The following RAB33A variants were observed in gnomAD, a reference collection of about 807,000 sequenced individuals.
The protein encoded by RAB33A is RAB33A, member RAS oncogene family.
RAB33A carries 6 observed loss-of-function variants against 12.0 expected under a neutral mutation model. That is an observed-to-expected ratio of 0.50 (90% CI 0.27 to 0.99). The LOEUF is 0.99. RAB33A is among the 50% of genes least tolerant of loss of function. The pLI is 0.11. For missense variants in RAB33A, 109 were observed against 192.0 expected, an observed-to-expected ratio of 0.57 and a Z score of 2.55; for synonymous variants, 70 against 82.4, an observed-to-expected ratio of 0.85 and a Z score of 0.81.
At chrX:130,137,167 T>C in the RAB33A span, 2 of 1,211,560 alleles carry the variant, frequency 1.7e-6, no homozygotes, top group Non-Finnish European at 2.2e-6. Context: ...TTGAATCACT[T>C]CTGTGCCCAA....
At chrX:130,128,312 C>A in the RAB33A span, among the ~76,000 whole-genome samples, 1 of 111,803 alleles carries the variant, frequency 8.9e-6, no homozygotes, top group Non-Finnish European at 1.9e-5. Context: ...GTGACTCACA[C>A]CTGTAACCCC....
the RAB33A span, among the ~76,000 whole-genome samples, chrX:130,161,240 C>T: frequency 2.7e-5 from 3 of 110,693 alleles, no homozygotes; most frequent in African/African-American, 9.9e-5. Context: ...CAGCCAGGTG[C>T]GGTGGCTCAC....
At chrX:130,115,663 A>AGAGAGAG in the RAB33A span, among the ~76,000 whole-genome samples, 46 of 99,621 alleles carry the variant, frequency 4.6e-4, 1 homozygote, top group Admixed American at 3.9e-3. Context: ...GAAAGAGAGA[A>AGAGAGAG]AGAGAGAGAG....
chrX:130,135,851 C>A, the RAB33A span, among the ~76,000 whole-genome samples: 13 of 111,642 alleles, frequency 1.2e-4, no homozygotes, highest in East Asian at 3.6e-3. Flanking sequence ...TTTCATCTGC[C>A]ACTAGCTTGC....
intron 1 of RAB33A, among the ~76,000 whole-genome samples, chrX:130,181,723 G>C (rs779919485): frequency 4.5e-5 from 5 of 110,486 alleles, no homozygotes; most frequent in African/African-American, 1.3e-4. Context: ...TGGGAGGCTC[G>C]ATCATTTGAG....
At chrX:130,162,186 T>C in the RAB33A span, among the ~76,000 whole-genome samples, 4 of 112,051 alleles carry the variant, frequency 3.6e-5, no homozygotes, top group African/African-American at 1.3e-4. Context: ...GTGTTTAATT[T>C]AGGAGAATGG....
the RAB33A span, chrX:130,136,728 C>T: frequency 1.7e-6 from 2 of 1,209,456 alleles, no homozygotes; most frequent in Non-Finnish European, 2.2e-6. Context: ...CACCTTAACC[C>T]CCTCTGTAAA....
chrX:130,142,098 G>A, the RAB33A span, among the ~76,000 whole-genome samples: 1 of 112,132 alleles, frequency 8.9e-6, no homozygotes, highest in Admixed American at 9.5e-5. Context: ...GTATCAAGTT[G>A]AGACAGTGAT....
At chrX:130,129,500 A>T in the RAB33A span, 1 of 1,018,124 alleles carries the variant, frequency 9.8e-7, no homozygotes, top group East Asian at 3.0e-5. Context: ...ATGCTCCTTT[A>T]CCCATTCGAC....
chrX:130,136,245 G>GTC, the RAB33A span: 2 of 1,149,238 alleles, frequency 1.7e-6, no homozygotes, highest in Admixed American at 4.4e-5. Context: ...GCCTACAGGC[G>GTC]TAACAATGGC....
chrX:130,162,416 T>A, the RAB33A span, among the ~76,000 whole-genome samples: 1 of 112,181 alleles, frequency 8.9e-6, no homozygotes, highest in Non-Finnish European at 1.9e-5. Flanking sequence ...GGTTAGGAAC[T>A]GGTTCTCTAC....
chrX:130,114,142 A>G, the RAB33A span, among the ~76,000 whole-genome samples: 1 of 112,255 alleles, frequency 8.9e-6, no homozygotes, highest in Admixed American at 9.4e-5. Flanking sequence ...GCAGCATGCA[A>G]GGAGAGGTTT....
chrX:130,156,401 T>C, the RAB33A span: 24 of 1,191,438 alleles, frequency 2.0e-5, no homozygotes, highest in East Asian at 5.9e-4. Context: ...CAGAATACTA[T>C]CGAGTCTATT....
At chrX:130,113,427 ATT>A in the RAB33A span, among the ~76,000 whole-genome samples, 1,666 of 54,599 alleles carry the variant, frequency 0.031, 31 homozygotes, top group African/African-American at 0.12. Flanking sequence ...TTTAGTTTAG[ATT>A]TTTTTTTTTT....
chrX:130,141,154 A>C, the RAB33A span, among the ~76,000 whole-genome samples: 1 of 111,915 alleles, frequency 8.9e-6, no homozygotes, highest in African/African-American at 3.2e-5. Context: ...AAACCACAAC[A>C]ACAAAAACAA....
At chrX:130,162,625 C>T in the RAB33A span, among the ~76,000 whole-genome samples, 1 of 112,258 alleles carries the variant, frequency 8.9e-6, no homozygotes, top group African/African-American at 3.2e-5. Context: ...ATCTTTTAGG[C>T]TTCAAAACGA....
At chrX:130,167,681 T>C (rs2031555918), upstream of RAB33A, among the ~76,000 whole-genome samples, 1 of 112,423 alleles carries the variant, frequency 8.9e-6, no homozygotes, top group East Asian at 2.8e-4. Context: ...AGGTGGAGGC[T>C]GCAGTGAGCC....
At chrX:130,172,449 C>G (rs1603234380) in intron 1 of RAB33A, 129 bp downstream of exon 1, 1 of 861,458 alleles carries the variant, frequency 1.2e-6, no homozygotes, top group Admixed American at 3.9e-5. Context: ...AGCCGAGGAC[C>G]CTCGGCTCCT....
chrX:130,138,517 A>G, the RAB33A span: 2 of 741,771 alleles, frequency 2.7e-6, no homozygotes, highest in Non-Finnish European at 4.3e-6. Context: ...TGATCCTGCC[A>G]AACACATCTC....
Sources: allele counts gnomAD v4.1 joint callset (sites outside exome capture counted in the v4.1 genomes callset), GRCh38; gene constraint gnomAD v4.1.1; transcripts MANE v1.5; gene names NCBI Gene and HGNC (gene_info 2026-07-23, HGNC 2026-07-21).